Variants in CACNA1A observed in about 807,000 individuals in gnomAD.
CACNA1A encodes the protein voltage-dependent P/Q-type calcium channel subunit alpha-1A.
Under a neutral mutation model 262.4 loss-of-function variants are expected in CACNA1A, and 57 were observed. That is an observed-to-expected ratio of 0.22 (90% CI 0.18 to 0.27). The LOEUF (loss-of-function observed/expected upper bound fraction) is 0.27. Among genes scored for constraint, CACNA1A ranks in the 10% least tolerant of loss-of-function variants. The probability of loss-of-function intolerance (pLI) is 1.00; values close to 1 mark genes in which losing one functional copy is unlikely to be tolerated. For synonymous variants in CACNA1A, 1,431 were observed against 1,419.3 expected, an observed-to-expected ratio of 1.01 and a Z score of -0.18; for missense variants, 2,526 against 3,562.8, an observed-to-expected ratio of 0.71 and a Z score of 7.41.
chr19:13,232,163 TTC>T (rs753960873), intron 34 of CACNA1A, among the ~76,000 whole-genome samples: 230 of 151,966 alleles, frequency 1.5e-3, no homozygotes, highest in African/African-American at 3.7e-3. Flanking sequence ...TTTCTTTTCC[TTC>T]TCTCTCTCTT....
At position 13,478,383 on chromosome 19, in the gene CACNA1A, C is replaced by T. The variant is rs146589853; in HGVS notation, c.294-23171G>A. Among the ~76,000 whole-genome samples the T allele has an allele frequency of 2.0e-3, 309 of 152,170 alleles. 1 individual carries two copies. Among genetic ancestry groups the T allele is most frequent in the African/African-American group, 6.8e-3 (282 of 41,510 alleles). On this transcript the variant is annotated intron_variant, in intron 1 of 46. Coordinates refer to ENST00000360228, the MANE Select transcript of CACNA1A (RefSeq NM_001127222.2). ...ATCGCCCAGCCTGGAGTGCAGGACG[C>T]GATCACTCACTGCGGTCTTGAACTC...
chr19:13,469,458 CTCTTTTTTTTTTTT>C (rs2061310926), intron 1 of CACNA1A, among the ~76,000 whole-genome samples: 1 of 133,708 alleles, frequency 7.5e-6, no homozygotes, highest in East Asian at 2.8e-4. Flanking sequence ...CTTGAACCAC[CTCTTTTTTTTTTTT>C]TTTTTTTTTT....
intron 18 of CACNA1A, among the ~76,000 whole-genome samples, chr19:13,299,959 C>T (rs931872015): frequency 6.6e-6 from 1 of 152,164 alleles, no homozygotes; most frequent in African/African-American, 2.4e-5. Context: ...TCAGATGCAC[C>T]GTTCACAATA....
At chr19:13,402,766 A>G (rs2059919814) in intron 3 of CACNA1A, among the ~76,000 whole-genome samples, 1 of 131,354 alleles carries the variant, frequency 7.6e-6, no homozygotes, top group South Asian at 2.6e-4. Context: ...ACACATATAT[A>G]TACATATATA....
At chr19:13,443,650 A>G (rs1252626228) in intron 3 of CACNA1A, among the ~76,000 whole-genome samples, 3 of 152,196 alleles carry the variant, frequency 2.0e-5, no homozygotes, top group Admixed American at 6.6e-5. Flanking sequence ...TGTATATAAT[A>G]TATAGTATAT....
chr19:13,435,951 A>C (rs560282925), intron 3 of CACNA1A, among the ~76,000 whole-genome samples: 9 of 152,194 alleles, frequency 5.9e-5, no homozygotes, highest in African/African-American at 2.2e-4. Flanking sequence ...CAGCCTCCCG[A>C]GTAGCTGAGA....
chr19:13,235,502 C>T, intron 32 of CACNA1A, 112 bp downstream of exon 32: 1 of 822,298 alleles, frequency 1.2e-6, no homozygotes, highest in Non-Finnish European at 2.1e-6. Flanking sequence ...ATAACAGATT[C>T]TCTGCACGAC....
At chr19:13,259,344 G>GTTTTTTT (rs2056665416) in intron 27 of CACNA1A, 4 of 9,028 alleles carry the variant, frequency 4.4e-4, no homozygotes, top group East Asian at 1.0e-3. Context: ...TTTTTTTTTG[G>GTTTTTTT]GATTTTTAGT....
At chr19:13,458,120 G>A (rs183636438) in intron 1 of CACNA1A, among the ~76,000 whole-genome samples, 70 of 152,106 alleles carry the variant, frequency 4.6e-4, no homozygotes, top group Non-Finnish European at 7.8e-4. Context: ...TGTACTAAAC[G>A]CCTCTCCCCT....
At chr19:13,261,847 T>C in intron 25 of CACNA1A, 1 of 484,390 alleles carries the variant, frequency 2.1e-6, no homozygotes, top group Non-Finnish European at 3.7e-6. Context: ...AGAGATGCTT[T>C]TAAGTGATAC....
intron 31 of CACNA1A, 62 bp downstream of exon 31, chr19:13,245,119 GC>G: frequency 1.5e-6 from 2 of 1,303,918 alleles, no homozygotes; most frequent in Non-Finnish European, 1.1e-6. Context: ...CCGCTCCCCC[GC>G]CCCCTGCCGC....
chr19:13,366,336 G>A (rs928696323), intron 4 of CACNA1A: 1 of 152,074 alleles, frequency 6.6e-6, no homozygotes, highest in African/African-American at 2.4e-5. Context: ...CAGGCATGAT[G>A]GTGCATGCCT....
At chr19:13,505,811 G>A in intron 1 of CACNA1A, 121 bp downstream of exon 1, 1 of 1,028,668 alleles carries the variant, frequency 9.7e-7, no homozygotes. Flanking sequence ...CCCAGCCCCT[G>A]GAAGACCCCC....
chr19:13,234,754 C>T (rs2055814571), intron 34 of CACNA1A, 167 bp downstream of exon 34: 6 of 419,892 alleles, frequency 1.4e-5, no homozygotes, highest in Admixed American at 9.9e-5. Context: ...GAGAAGGGCA[C>T]GCCCCCTACC....
intron 2 of CACNA1A, 98 bp from the exon 3 acceptor site, chr19:13,453,113 T>A: frequency 8.0e-7 from 1 of 1,251,934 alleles, no homozygotes; most frequent in Non-Finnish European, 1.2e-6. Flanking sequence ...TATCACCCTC[T>A]CACTTCCCCT....
intron 31 of CACNA1A, chr19:13,243,702 A>G (rs1030644046): frequency 6.6e-6 from 1 of 152,238 alleles, no homozygotes; most frequent in Non-Finnish European, 1.5e-5. Flanking sequence ...GATTACAGGC[A>G]TGCACCACCA....
intron 6 of CACNA1A, among the ~76,000 whole-genome samples, chr19:13,358,064 T>C (rs4926157): frequency 0.52 from 79,788 of 152,044 alleles, 22,255 homozygotes; most frequent in East Asian, 0.96. Flanking sequence ...ATTTAGTCTT[T>C]GATCCTGCAA....
intron 6 of CACNA1A, among the ~76,000 whole-genome samples, 189 bp downstream of exon 6, chr19:13,359,416 GT>G (rs2059063502): frequency 6.6e-6 from 1 of 152,150 alleles, no homozygotes; most frequent in African/African-American, 2.4e-5. Flanking sequence ...TATAGTTAGA[GT>G]TCTGCTCATG....
At chr19:13,474,684 G>C (rs1365453007) in intron 1 of CACNA1A, among the ~76,000 whole-genome samples, 1 of 152,124 alleles carries the variant, frequency 6.6e-6, no homozygotes, top group African/African-American at 2.4e-5. Flanking sequence ...GGGAGTGGTG[G>C]CAGACACCTG....
Sources: allele counts gnomAD v4.1 joint callset (sites outside exome capture counted in the v4.1 genomes callset), GRCh38; gene constraint gnomAD v4.1.1; transcripts MANE v1.5; gene names NCBI Gene and HGNC (gene_info 2026-07-23, HGNC 2026-07-21).